ANAPC5: variants seen among roughly 807,000 people sequenced by gnomAD.
The protein encoded by ANAPC5 is anaphase-promoting complex subunit 5.
ANAPC5 carries 60 observed loss-of-function variants against 91.3 expected under a neutral mutation model. The observed-to-expected ratio is 0.66, with a 90% CI of 0.53 to 0.81. The LOEUF (loss-of-function observed/expected upper bound fraction) is 0.81. Ranked by LOEUF, ANAPC5 falls within the 40% of genes least tolerant of loss-of-function variation. The probability of loss-of-function intolerance (pLI) is 0.00; values close to 1 mark genes in which losing one functional copy is unlikely to be tolerated. For synonymous variants in ANAPC5, 340 were observed against 364.1 expected, an observed-to-expected ratio of 0.93 and a Z score of 0.75; for missense variants, 690 against 931.5, an observed-to-expected ratio of 0.74 and a Z score of 3.37.
chr12:121,345,630 T>G (rs1235269288), intron 4 of ANAPC5, among the ~76,000 whole-genome samples: 1 of 152,000 alleles, frequency 6.6e-6, no homozygotes, highest in African/African-American at 2.4e-5. Context: ...CCCTGGCCCT[T>G]GGGATTTCCT....
intron 1 of ANAPC5, chr12:121,351,097 C>T: frequency 2.2e-6 from 1 of 449,678 alleles, no homozygotes; most frequent in Non-Finnish European, 4.5e-6. Flanking sequence ...GACGGCCGGG[C>T]GCAGTGGCTC....
In ANAPC5 at chr12:121,337,291, C is replaced by A; in HGVS notation, c.759G>T (p.Ala253=). 6.2e-7 allele frequency: 1 copy of A among 1,611,384 alleles called. No homozygotes were observed. The highest frequency in any genetic ancestry group is 1.1e-5 in the South Asian group (1 of 90,990). The stretch of plus-strand genomic sequence containing the variant: ...GCAACAAATTCTGGGAAAGACTTAC[C>A]GCTTCAGCAAAATCAGGATTAAATT... ...LLKFNPDFAE[A]HYLSYLNNLR... The change falls in exon 6 of 17, where the codon GCG becomes GCT. Residue 253 remains alanine, a splice_region_variant and synonymous_variant. Transcript: ENST00000261819.
At position 121,320,449 on chromosome 12, in the gene ANAPC5, G is replaced by A. The variant is rs200230127; in HGVS notation, c.1451C>T (p.Ala484Val). The A allele has an allele frequency of 1.2e-6, 2 of 1,613,618 alleles. No individual in the cohort carries two copies. Among genetic ancestry groups the A allele is most frequent in the Non-Finnish European group, 1.7e-6 (2 of 1,179,706 alleles). Reference protein sequence around the residue: ...AELHAEQGCFAAASEVLKHLK... With the variant: ...AELHAEQGCFVAASEVLKHLK... ...GTGCTTTAACACTTCAGAAGCTGCA[G>A]CAAAACAGCCCTAAAGTAGAAACAC... The change falls in exon 12 of 17, where the codon GCT (alanine) becomes GTT (valine). Residue 484 changes from alanine to valine, a missense_variant. Transcript: ENST00000261819.
Position 121,352,196 on chromosome 12 carries a change from C to A in ANAPC5, c.145G>T (p.Glu49Ter), listed in dbSNP as rs782122962. ...VLLNEMSRTG[E>*]GAVSLMERRR... ...CGCTCCATGAGGCTGACGGCGCCCT[C>A]GCCTGTGCGGCTCATCTCGTTCAGC... The change falls in exon 1 of 17, where the codon GAG (glutamate) becomes TAG (stop). Residue 49 changes from glutamate to a stop codon, truncating the protein, a stop_gained. Transcript: ENST00000261819. LOFTEE classifies it high-confidence loss of function. 1 of 1,613,962 alleles carries A rather than the reference C, an allele frequency of 6.2e-7. No homozygotes were observed. Among genetic ancestry groups the A allele is most frequent in the Non-Finnish European group, 8.5e-7 (1 of 1,179,900 alleles).
At chr12:121,319,881 G>A in intron 12 of ANAPC5, 63 bp from the exon 13 acceptor site, 1 of 1,472,998 alleles carries the variant, frequency 6.8e-7, no homozygotes, top group South Asian at 1.3e-5. Context: ...ATGAGTATAT[G>A]AAAGTATTTT....
Position 121,335,535 on chromosome 12 carries a change from G to A in ANAPC5, c.948C>T (p.His316=). The A allele has an allele frequency of 1.9e-6, 3 of 1,598,832 alleles. No homozygotes were observed. The highest frequency in any genetic ancestry group is 2.6e-6 in the Non-Finnish European group (3 of 1,169,422). ...NLAALHCRFG[H]YQQAELALQE... is the part of the protein sequence containing the mutation. ...AGGACAAAGGTCTATAAACTTACTA[G>A]TGACCGAAGCGGCAGTGCAGGGCGG... The change falls in exon 7 of 17, where the codon CAC becomes CAT. Residue 316 remains histidine (H), a splice_region_variant and synonymous_variant. Transcript: ENST00000261819.
At chr12:121,345,689 C>T in intron 4 of ANAPC5, 150 bp downstream of exon 4, 1 of 754,636 alleles carries the variant, frequency 1.3e-6, no homozygotes, top group Non-Finnish European at 2.1e-6. Flanking sequence ...AAGGGACCCA[C>T]TGGTGCAGCC....
In ANAPC5 at chr12:121,352,183, C is replaced by A. The variant is rs147306166; in HGVS notation, c.158G>T (p.Ser53Ile). ...EMSRTGEGAV[S>I]LMERRRLNQL... ...GTTGAGCCTCCGCCGCTCCATGAGG[C>A]TGACGGCGCCCTCGCCTGTGCGGCT... Residue 53 changes from serine to isoleucine, a missense_variant, in exon 1 of 17, where the codon AGC (serine) becomes ATC (isoleucine). Coordinates refer to ENST00000261819, the MANE Select transcript of ANAPC5 (RefSeq NM_016237.5). The A allele has an allele frequency of 1.0e-4, 162 of 1,613,196 alleles. 5 individuals are homozygous for A. In the South Asian group the frequency reaches 1.7e-3, roughly 17 times the overall value.
At chr12:121,329,803 G>C (rs1555272695) in intron 9 of ANAPC5, among the ~76,000 whole-genome samples, 1 of 151,732 alleles carries the variant, frequency 6.6e-6, no homozygotes. Context: ...TTAGTAGAGA[G>C]AGGGTTTCAC....
chr12:121,327,518 T>C, intron 10 of ANAPC5: 1 of 394,222 alleles, frequency 2.5e-6, no homozygotes, highest in Non-Finnish European at 4.5e-6. Flanking sequence ...GCAGTCATAG[T>C]ATGTTAATTA....
chr12:121,338,621 A>G lies in ANAPC5; in HGVS notation c.658-1229T>C, dbSNP rs577170650. Reference sequence around the variant, plus strand: ...CAAAACAAAACAAAACAAAAAACAAATTATTATGTAGGTGTAGTATGGGGA... The same window carrying G: ...CAAAACAAAACAAAACAAAAAACAAGTTATTATGTAGGTGTAGTATGGGGA... On this transcript the variant is annotated intron_variant, in intron 5 of 16. Coordinates refer to ENST00000261819, the MANE Select transcript of ANAPC5 (RefSeq NM_016237.5). Among the ~76,000 whole-genome samples the G allele has an allele frequency of 1.6e-4, 25 of 152,214 alleles. No individual in the cohort carries two copies. In the South Asian group the frequency reaches 5.0e-3, roughly 30 times the overall value.
chr12:121,345,746 C>T, intron 4 of ANAPC5, 93 bp downstream of exon 4: 1 of 1,309,658 alleles, frequency 7.6e-7, no homozygotes, highest in East Asian at 2.3e-5. Context: ...AGGGCATAAG[C>T]CAGCACGTGA....
chr12:121,322,657 TA>T (rs1053683497), intron 11 of ANAPC5, among the ~76,000 whole-genome samples: 1 of 152,144 alleles, frequency 6.6e-6, no homozygotes, highest in Non-Finnish European at 1.5e-5. Context: ...ATTTTCCATT[TA>T]AAAAATGCTA....
intron 1 of ANAPC5, chr12:121,351,236 A>T (rs1201841640): frequency 1.4e-5 from 5 of 354,240 alleles, no homozygotes; most frequent in Non-Finnish European, 2.8e-5. Context: ...AGCTGGGCGT[A>T]GTGACCCGCG....
chr12:121,337,288 T>C lies in ANAPC5; in HGVS notation c.759+3A>G, dbSNP rs782584245. On this transcript the variant is annotated splice_donor_region_variant and intron_variant, in intron 6 of 16. Coordinates refer to ENST00000261819, the MANE Select transcript of ANAPC5 (RefSeq NM_016237.5). ...ACAGCAACAAATTCTGGGAAAGACT[T>C]ACCGCTTCAGCAAAATCAGGATTAA... 6.2e-7 allele frequency: 1 copy of C among 1,611,188 alleles called. No homozygotes were observed. The highest frequency in any genetic ancestry group is 8.5e-7 in the Non-Finnish European group (1 of 1,177,874).
At chr12:121,350,165 C>T (rs1903828633) in intron 1 of ANAPC5, among the ~76,000 whole-genome samples, 1 of 152,110 alleles carries the variant, frequency 6.6e-6, no homozygotes, top group Non-Finnish European at 1.5e-5. Context: ...CAGTTCTCCC[C>T]TCTTCCCATG....
intron 15 of ANAPC5, chr12:121,318,036 G>A (rs1054070012): frequency 1.4e-5 from 5 of 347,838 alleles, no homozygotes; most frequent in Non-Finnish European, 2.1e-5. Flanking sequence ...TCACTGAAGA[G>A]GCGAGTCCTC....
rs1417781859 is a variant in ANAPC5, at chr12:121,342,103, A to T, written c.591-34T>A. On this transcript the variant is annotated intron_variant, in intron 4 of 16. Coordinates refer to ENST00000261819, the MANE Select transcript of ANAPC5 (RefSeq NM_016237.5). The surrounding 1 kb of genome is among the most constrained non-coding windows in gnomAD (Gnocchi z 4.1). ...AATAAAAAAACAAAAATAGTAAAGA[A>T]TTACACAAAAGTAAAAATGATAACA... The T allele has an allele frequency of 6.9e-7, 1 of 1,458,968 alleles. No homozygotes were observed. The highest frequency in any genetic ancestry group is 1.4e-5 in the African/African-American group (1 of 70,770). The allele number at this position is 1,458,968 out of a possible 1,614,324, so 90.4% of individuals were successfully genotyped here. A position where few individuals can be genotyped will look rare whatever the true frequency, so the allele number is the denominator to read the frequency against.
In ANAPC5 at chr12:121,342,782, C is replaced by T. The variant is rs1251100424; in HGVS notation, c.591-713G>A. On this transcript the variant is annotated intron_variant, in intron 4 of 16. Coordinates refer to ENST00000261819, the MANE Select transcript of ANAPC5 (RefSeq NM_016237.5). The surrounding 1 kb of genome is among the most constrained non-coding windows in gnomAD (Gnocchi z 4.1). Reference sequence around the variant, plus strand: ...GCTGAGGCAGAAAAATTGTTTGATCCCGGGAGGTGGAGGTTGCAGCGAGCC... The same window carrying T: ...GCTGAGGCAGAAAAATTGTTTGATCTCGGGAGGTGGAGGTTGCAGCGAGCC... 3.3e-5 allele frequency among the ~76,000 whole-genome samples: 5 copies of T among 152,074 alleles called. No homozygotes were observed. Among genetic ancestry groups the T allele is most frequent in the Non-Finnish European group, 7.4e-5 (5 of 68,024 alleles).
Sources: allele counts gnomAD v4.1 joint callset (sites outside exome capture counted in the v4.1 genomes callset), GRCh38; gene constraint gnomAD v4.1.1; non-coding constraint Gnocchi (gnomAD v3.1); transcripts MANE v1.5; gene names NCBI Gene and HGNC (gene_info 2026-07-23, HGNC 2026-07-21).